The following AGMO variants were observed in gnomAD, a reference collection of about 807,000 sequenced individuals.
AGMO encodes glyceryl-ether monooxygenase.
Under a neutral mutation model 60.2 loss-of-function variants are expected in AGMO, and 75 were observed. The ratio of observed to expected loss-of-function variants is 1.25; its 90% CI spans 1.03 to 1.51. The LOEUF is 1.51. Among genes scored for constraint, AGMO ranks in the 40% most tolerant of loss-of-function variants. AGMO has a pLI of 0.00. For missense variants in AGMO, 763 were observed against 525.5 expected (o/e 1.45, Z -4.42); for synonymous variants, 261 against 177.1 (o/e 1.47, Z -3.76).
chr7:15,186,889 C>T, the AGMO span, among the ~76,000 whole-genome samples: 2 of 152,126 alleles, frequency 1.3e-5, no homozygotes, highest in Non-Finnish European at 2.9e-5. Flanking sequence ...CGTAGACTTC[C>T]AGGCTTGGCT....
rs571172207 is a variant in AGMO, at chr7:15,525,842, C to A, written c.409+18930G>T. On this transcript the variant is annotated intron_variant, in intron 3 of 12. Transcript: ENST00000342526. ...GGCTGCAGACAGTGGGCTAAAAGAG[C>A]TAATTAGCATGCTGTAACACACCCT... Among the ~76,000 whole-genome samples, 227 of 152,272 alleles carry A rather than the reference C, an allele frequency of 1.5e-3. 2 individuals are homozygous for A. Among genetic ancestry groups the A allele is most frequent in the Non-Finnish European group, 2.0e-3 (138 of 68,028 alleles).
At chr7:15,299,421 G>C (rs1470907973) in intron 12 of AGMO, among the ~76,000 whole-genome samples, 1 of 152,030 alleles carries the variant, frequency 6.6e-6, no homozygotes, top group East Asian at 1.9e-4. Flanking sequence ...AAAATATGTA[G>C]TAAATTACTC....
intron 3 of AGMO, among the ~76,000 whole-genome samples, chr7:15,469,930 G>C (rs1782403603): frequency 6.6e-6 from 1 of 151,924 alleles, no homozygotes; most frequent in Admixed American, 6.6e-5. Context: ...TAGAATATGA[G>C]GAAAAACAAA....
At chr7:15,186,693 T>A in the AGMO span, among the ~76,000 whole-genome samples, 3 of 152,220 alleles carry the variant, frequency 2.0e-5, no homozygotes, top group African/African-American at 7.2e-5. Flanking sequence ...AGAGTTCTTA[T>A]ATAACCCAAA....
At chr7:15,297,746 T>C (rs1290264425) in intron 12 of AGMO, among the ~76,000 whole-genome samples, 3 of 152,188 alleles carry the variant, frequency 2.0e-5, no homozygotes, top group Non-Finnish European at 4.4e-5. Context: ...TCTAAGAATA[T>C]TTCCATGAAA....
chr7:15,395,216 A>T (rs1368535474), intron 5 of AGMO, among the ~76,000 whole-genome samples: 1 of 152,214 alleles, frequency 6.6e-6, no homozygotes, highest in Non-Finnish European at 1.5e-5. Flanking sequence ...TTCCGTTTGG[A>T]GGACATATGA....
chr7:15,350,235 A>G (rs1409308153), intron 12 of AGMO, among the ~76,000 whole-genome samples: 1 of 152,180 alleles, frequency 6.6e-6, no homozygotes, highest in Non-Finnish European at 1.5e-5. Flanking sequence ...CCAAGCATGA[A>G]GGATATTATT....
At chr7:15,475,540 G>A (rs971037775) in intron 3 of AGMO, among the ~76,000 whole-genome samples, 13 of 151,910 alleles carry the variant, frequency 8.6e-5, no homozygotes, top group Admixed American at 3.9e-4. Context: ...GGGGCCTGTC[G>A]GATGTGGGGG....
At chr7:15,519,984 CAAAA>C (rs61041008) in intron 3 of AGMO, among the ~76,000 whole-genome samples, 1 of 110,832 alleles carries the variant, frequency 9.0e-6, no homozygotes, top group Non-Finnish European at 1.8e-5. Context: ...AATGGGAAGC[CAAAA>C]AAAAAAAAAA....
chr7:15,409,802 A>G (rs564175659), intron 5 of AGMO, among the ~76,000 whole-genome samples: 10 of 151,952 alleles, frequency 6.6e-5, no homozygotes, highest in African/African-American at 2.4e-4. Context: ...AGATTAGAGC[A>G]AAGAATATGG....
intron 5 of AGMO, among the ~76,000 whole-genome samples, chr7:15,394,632 C>T (rs749508132): frequency 1.3e-5 from 2 of 152,138 alleles, no homozygotes; most frequent in Non-Finnish European, 2.9e-5. Flanking sequence ...TAGTTTTTGC[C>T]TTCCAACTAT....
At chr7:15,356,853 ATCCCAGCACTT>A (rs1416051442) in intron 12 of AGMO, among the ~76,000 whole-genome samples, 1 of 151,646 alleles carries the variant, frequency 6.6e-6, no homozygotes, top group East Asian at 1.9e-4. Flanking sequence ...CAAGCCTGTA[ATCCCAGCACTT>A]TGGGAGGCCG....
In AGMO at chr7:15,431,090, G is replaced by T; in HGVS notation, c.428C>A (p.Ala143Asp). Residue 143 changes from alanine (A) to aspartate (D), a missense_variant, in exon 4 of 13, where the codon GCC becomes GAC. Ala to Asp is a moderately radical substitution (Grantham distance 126). Transcript: ENST00000342526. ...AGAACTATGATGTGTTTGGTGTCCG[G>T]CCCACATAATATTAACTTCTGCAAA... ...RMAHEVNIMW[A>D]GHQTHHSSED... 6.2e-7 allele frequency: 1 copy of T among 1,610,680 alleles called. No individual in the cohort carries two copies. Among genetic ancestry groups the T allele is most frequent in the Non-Finnish European group, 8.5e-7 (1 of 1,177,744 alleles).
At chr7:15,206,524 T>C (rs1057474645) in intron 12 of AGMO, among the ~76,000 whole-genome samples, 8 of 152,138 alleles carry the variant, frequency 5.3e-5, no homozygotes, top group Admixed American at 2.6e-4. Context: ...GGTTTTTTCC[T>C]ATCTAAATTT....
At chr7:15,239,654 C>G (rs1782531776) in intron 12 of AGMO, among the ~76,000 whole-genome samples, 1 of 151,912 alleles carries the variant, frequency 6.6e-6, no homozygotes, top group African/African-American at 2.4e-5. Flanking sequence ...GTTTAAAGCC[C>G]CATTTATGTT....
intron 5 of AGMO, 78 bp from the exon 6 acceptor site, chr7:15,394,257 A>G (rs923431368): frequency 9.1e-7 from 1 of 1,095,198 alleles, no homozygotes; most frequent in African/African-American, 1.6e-5. Flanking sequence ...CACATTAGAA[A>G]CTCACATAAA....
intron 10 of AGMO, among the ~76,000 whole-genome samples, chr7:15,370,236 T>C (rs1279155602): frequency 6.6e-6 from 1 of 152,216 alleles, no homozygotes; most frequent in Non-Finnish European, 1.5e-5. Context: ...ACATGAATTC[T>C]TTTTCATGCC....
intron 10 of AGMO, among the ~76,000 whole-genome samples, chr7:15,377,869 ATGTTTAGGTGTGCAC>A (rs1267026701): frequency 6.6e-6 from 1 of 152,006 alleles, no homozygotes; most frequent in African/African-American, 2.4e-5. Context: ...TGGTGGTTTG[ATGTTTAGGTGTGCAC>A]TGCCAAGCGT....
chr7:15,369,225 C>G (rs80186959), intron 10 of AGMO, among the ~76,000 whole-genome samples: 8,514 of 152,122 alleles, frequency 0.056, 307 homozygotes, highest in Non-Finnish European at 0.087. Flanking sequence ...CCTAACTGGT[C>G]TTCCTACTTC....
Sources: allele counts gnomAD v4.1 joint callset (sites outside exome capture counted in the v4.1 genomes callset), GRCh38; gene constraint gnomAD v4.1.1; transcripts MANE v1.5; gene names NCBI Gene and HGNC (gene_info 2026-07-23, HGNC 2026-07-21).